Variants in FGF12 observed in about 807,000 individuals in gnomAD.
The protein encoded by FGF12 is fibroblast growth factor 12, also known as fibroblast growth factor 12B.
Under a neutral mutation model 23.6 loss-of-function variants are expected in FGF12, and 14 were observed. The ratio of observed to expected loss-of-function variants is 0.59; its 90% CI spans 0.39 to 0.93. FGF12 has a LOEUF of 0.93. FGF12 is among the 40% of genes least tolerant of loss of function. FGF12 has a pLI of 0.00. For synonymous variants in FGF12, 62 were observed against 77.3 expected, an observed-to-expected ratio of 0.80 and a Z score of 1.04; for missense variants, 175 against 217.8, an observed-to-expected ratio of 0.80 and a Z score of 1.24.
chr3:192,329,907 C>T (rs1229938770), intron 4 of FGF12, among the ~76,000 whole-genome samples: 1 of 151,992 alleles, frequency 6.6e-6, no homozygotes, highest in Non-Finnish European at 1.5e-5. Flanking sequence ...CATAAGTTTC[C>T]AACATGCTTA....
intron 5 of FGF12, among the ~76,000 whole-genome samples, chr3:192,145,904 G>C (rs879544416): frequency 2.6e-5 from 4 of 151,048 alleles, no homozygotes; most frequent in Non-Finnish European, 5.9e-5. Flanking sequence ...AAGTCTAATG[G>C]TGCTTACCTC....
intron 2 of FGF12, among the ~76,000 whole-genome samples, chr3:192,578,980 G>A (rs867932622): frequency 6.6e-6 from 1 of 152,044 alleles, no homozygotes; most frequent in East Asian, 1.9e-4. Flanking sequence ...ACGCTGCCTT[G>A]GTTTGTAAAA....
At chr3:192,443,391 A>C (rs1187643375) in intron 2 of FGF12, among the ~76,000 whole-genome samples, 1 of 152,202 alleles carries the variant, frequency 6.6e-6, no homozygotes, top group Non-Finnish European at 1.5e-5. Flanking sequence ...AAATGTGGAT[A>C]ATAATATAGA....
chr3:192,388,649 GTAAAA>G (rs1308937005), intron 2 of FGF12, among the ~76,000 whole-genome samples: 1 of 151,462 alleles, frequency 6.6e-6, no homozygotes, highest in Admixed American at 6.6e-5. Context: ...AATATAGAAG[GTAAAA>G]TTAAAATTTA....
intron 4 of FGF12, among the ~76,000 whole-genome samples, chr3:192,289,567 C>T (rs891754375): frequency 1.3e-5 from 2 of 152,156 alleles, no homozygotes; most frequent in African/African-American, 4.8e-5. Flanking sequence ...TTGCTGGGTA[C>T]TGCACAGACC....
At chr3:192,468,784 CT>C (rs1198532407) in intron 2 of FGF12, among the ~76,000 whole-genome samples, 2 of 152,044 alleles carry the variant, frequency 1.3e-5, no homozygotes, top group Non-Finnish European at 2.9e-5. Context: ...AAACTTCCCC[CT>C]GATTTTAGCC....
chr3:192,313,843 G>C (rs1716086619), intron 4 of FGF12, among the ~76,000 whole-genome samples: 1 of 152,194 alleles, frequency 6.6e-6, no homozygotes. Flanking sequence ...TTGGTCTAGA[G>C]AGGTGTGGCT....
intron 4 of FGF12, among the ~76,000 whole-genome samples, chr3:192,215,421 C>T (rs1433939285): frequency 6.6e-6 from 1 of 152,180 alleles, no homozygotes; most frequent in Non-Finnish European, 1.5e-5. Flanking sequence ...AATTGATGGA[C>T]CTCACATGGC....
chr3:192,270,687 C>CATAT (rs1324439132), intron 4 of FGF12, among the ~76,000 whole-genome samples: 3 of 151,388 alleles, frequency 2.0e-5, no homozygotes, highest in Non-Finnish European at 4.4e-5. Flanking sequence ...TTACATAACC[C>CATAT]ATATATTCCT....
At chr3:192,454,727 G>A (rs1443430005) in intron 2 of FGF12, among the ~76,000 whole-genome samples, 1 of 152,102 alleles carries the variant, frequency 6.6e-6, no homozygotes, top group Non-Finnish European at 1.5e-5. Context: ...AACCATTAGC[G>A]ATAATTTCAC....
At chr3:192,561,648 C>G (rs1425853311) in intron 2 of FGF12, among the ~76,000 whole-genome samples, 1 of 152,200 alleles carries the variant, frequency 6.6e-6, no homozygotes, top group African/African-American at 2.4e-5. Flanking sequence ...AGGCGTGAGC[C>G]ACCGTGCCTG....
intron 2 of FGF12, among the ~76,000 whole-genome samples, chr3:192,552,249 A>G (rs1458263677): frequency 2.6e-5 from 4 of 152,104 alleles, no homozygotes; most frequent in Non-Finnish European, 4.4e-5. Flanking sequence ...AAAATGATTG[A>G]GAAGAACAAG....
At chr3:192,169,989 A>G (rs1715454335) in intron 5 of FGF12, among the ~76,000 whole-genome samples, 1 of 148,610 alleles carries the variant, frequency 6.7e-6, no homozygotes, top group Non-Finnish European at 1.5e-5. Flanking sequence ...TCAAGGGTGT[A>G]TCTTGAGAAA....
intron 2 of FGF12, among the ~76,000 whole-genome samples, chr3:192,401,298 C>G (rs1286757661): frequency 1.3e-5 from 2 of 152,150 alleles, no homozygotes; most frequent in Non-Finnish European, 2.9e-5. Context: ...ATAACCTGGC[C>G]TCACAAAGAA....
At chr3:192,565,815 G>A (rs1712251213) in intron 2 of FGF12, among the ~76,000 whole-genome samples, 1 of 152,196 alleles carries the variant, frequency 6.6e-6, no homozygotes, top group South Asian at 2.1e-4. Context: ...GGCCGGGCAT[G>A]GTGGCTCACG....
chr3:192,371,782 G>C (rs1465289841), intron 2 of FGF12, among the ~76,000 whole-genome samples: 1 of 152,134 alleles, frequency 6.6e-6, no homozygotes, highest in Non-Finnish European at 1.5e-5. Flanking sequence ...GGCTTACAGA[G>C]GTGAAATCAC....
chr3:192,663,929 TAGAC>T (rs1716761631), intron 2 of FGF12, among the ~76,000 whole-genome samples: 1 of 152,208 alleles, frequency 6.6e-6, no homozygotes, highest in African/African-American at 2.4e-5. Context: ...ATAATCCCAT[TAGAC>T]AGACAGGCAG....
At chr3:192,302,099 C>T (rs79724666) in intron 4 of FGF12, among the ~76,000 whole-genome samples, 2,348 of 152,206 alleles carry the variant, frequency 0.015, 63 homozygotes, top group African/African-American at 0.055. Context: ...ACTTGCTTTG[C>T]AGAACAATCA....
intron 4 of FGF12, among the ~76,000 whole-genome samples, chr3:192,206,907 A>G (rs540817202): frequency 6.6e-6 from 1 of 152,300 alleles, no homozygotes; most frequent in South Asian, 2.1e-4. Flanking sequence ...CACTGACCTC[A>G]ATAGTGGGAA....
Sources: gnomAD v4.1 joint callset for allele counts (sites outside exome capture counted in the v4.1 genomes callset) on GRCh38, gnomAD v4.1.1 for gene constraint, MANE v1.5 for transcripts, NCBI Gene and HGNC (gene_info 2026-07-23, HGNC 2026-07-21) for gene names.